The following GUCY2C variants were observed in gnomAD, a reference collection of about 807,000 sequenced individuals.
The protein encoded by GUCY2C is guanylate cyclase 2C, also known as guanylyl cyclase C.
In GUCY2C, 118 loss-of-function variants were observed where a neutral mutation model predicts 131.1. The ratio of observed to expected loss-of-function variants is 0.90; its 90% CI spans 0.78 to 1.05. The LOEUF is 1.05. Among genes scored for constraint, GUCY2C ranks in the 50% least tolerant of loss-of-function variants. GUCY2C has a pLI of 0.00. For synonymous variants in GUCY2C, 452 were observed against 457.8 expected (o/e 0.99, Z 0.16); for missense variants, 1,161 against 1,304.4 (o/e 0.89, Z 1.69).
At chr12:14,677,483 A>G (rs1460791359) in intron 6 of GUCY2C, among the ~76,000 whole-genome samples, 3 of 152,194 alleles carry the variant, frequency 2.0e-5, no homozygotes, top group Admixed American at 6.5e-5. Context: ...CTCCTAGACA[A>G]TGCCTGGCAC....
chr12:14,619,942 T>C lies in GUCY2C; in HGVS notation c.2777-633A>G, dbSNP rs543532484. Reference sequence around the variant, plus strand: ...GTAGGAAATAAGGGTTATTCAGTCATGTATTTGCATAGAATGACTGAGTGC... The same window carrying C: ...GTAGGAAATAAGGGTTATTCAGTCACGTATTTGCATAGAATGACTGAGTGC... On this transcript the variant is annotated intron_variant, in intron 23 of 26. Coordinates refer to ENST00000261170, the MANE Select transcript of GUCY2C (RefSeq NM_004963.4). Among the ~76,000 whole-genome samples the C allele has an allele frequency of 9.2e-5, 14 of 152,340 alleles. 1 individual carries two copies. The South Asian group carries it at 2.9e-3, about 32-fold the overall frequency.
rs780328862 is a variant in GUCY2C at position 14,651,493 on chromosome 12, A to G, written c.1624T>C (p.Tyr542His). Reference protein sequence around the residue: ...ELNKLLQIDYYNLTKFYGTVK... With the variant: ...ELNKLLQIDYHNLTKFYGTVK... ...GTGCCGTAGAACTTGGTCAGGTTGT[A>G]ATAGTCAATCTGAAGCAACTAGAAG... The change falls in exon 15 of 27, where the codon TAC (tyrosine) becomes CAC (histidine). Residue 542 changes from tyrosine (Y) to histidine (H), a missense_variant. Physicochemically the swap from Tyr to His is moderately conservative, Grantham distance 83. Transcript: ENST00000261170. 1.3e-6 allele frequency: 2 copies of G among 1,596,878 alleles called. No individual in the cohort carries two copies. The highest frequency in any genetic ancestry group is 2.2e-5 in the South Asian group (2 of 90,668).
intron 9 of GUCY2C, 114 bp from the exon 10 acceptor site, chr12:14,669,947 G>T: frequency 1.9e-6 from 1 of 533,910 alleles, no homozygotes; most frequent in Non-Finnish European, 3.3e-6. Context: ...AATTCTCAGT[G>T]AAAAAAGGCA....
chr12:14,637,488 C>G (rs1225461016), intron 19 of GUCY2C, among the ~76,000 whole-genome samples: 1 of 152,036 alleles, frequency 6.6e-6, no homozygotes. Context: ...AAAGCAATCC[C>G]AAGCAAAAAG....
In GUCY2C at chr12:14,622,047, A is replaced by T; in HGVS notation, c.2559T>A (p.Tyr853Ter). 1 of 1,609,934 alleles carries T rather than the reference A, an allele frequency of 6.2e-7. No homozygotes were observed. Among genetic ancestry groups the T allele is most frequent in the Non-Finnish European group, 8.5e-7 (1 of 1,178,594 alleles). The change falls in exon 22 of 27, where the codon TAT (tyrosine) becomes TAA (stop). Residue 853 changes from tyrosine (Y) to a stop codon, truncating the protein, a stop_gained. Coordinates refer to ENST00000261170, the MANE Select transcript of GUCY2C (RefSeq NM_004963.4). LOFTEE classifies it high-confidence loss of function. ...MEVVDMLNDI[Y>*]KSFDHIVDHH... is the part of the protein sequence containing the mutation. ...GATCAACAATGTGGTCAAAACTCTT[A>T]TAGATGTCATTAAGCATGTCCACCA...
At chr12:14,652,678 C>T (rs1296945680) in intron 13 of GUCY2C, among the ~76,000 whole-genome samples, 2 of 152,172 alleles carry the variant, frequency 1.3e-5, no homozygotes, top group South Asian at 2.1e-4. Flanking sequence ...TAGGGTTGCC[C>T]TGGACTACTC....
Position 14,642,915 on chromosome 12 carries a change from T to C in GUCY2C, c.1930+659A>G, listed in dbSNP as rs192199516. Among the ~76,000 whole-genome samples, 24 of 152,246 alleles carry C rather than the reference T, an allele frequency of 1.6e-4. No individual in the cohort carries two copies. In the East Asian group the frequency reaches 4.6e-3, roughly 29 times the overall value. On this transcript the variant is annotated intron_variant, in intron 17 of 26. Coordinates refer to ENST00000261170, the MANE Select transcript of GUCY2C (RefSeq NM_004963.4). ...AAGTTGAATTAGAAATATAATTTGGTGTTTGGATCTAGGTAGTATTTTAAG... is the reference window on the plus strand; with the variant it reads ...AAGTTGAATTAGAAATATAATTTGGCGTTTGGATCTAGGTAGTATTTTAAG...
At position 14,625,637 on chromosome 12, in the gene GUCY2C, G is replaced by A. The variant is rs377146010; in HGVS notation, c.2408+120C>T. 136 of 1,022,546 alleles carry A rather than the reference G, an allele frequency of 1.3e-4. No homozygotes were observed. In the African/African-American group the frequency reaches 1.5e-3, roughly 11 times the overall value. 63.3% of individuals were successfully genotyped at this position (1,022,546 alleles called of 1,614,324 possible). On this transcript the variant is annotated intron_variant, in intron 21 of 26. Transcript: ENST00000261170. Reference sequence around the variant, plus strand: ...CGTGAGCCTCCGTGCCTGGCAGTACGTGCATTTTAAAACCAATAATCTACT... The same window carrying A: ...CGTGAGCCTCCGTGCCTGGCAGTACATGCATTTTAAAACCAATAATCTACT...
intron 9 of GUCY2C, chr12:14,672,136 C>T (rs1251608742): frequency 6.6e-6 from 1 of 151,956 alleles, no homozygotes; most frequent in Non-Finnish European, 1.5e-5. Context: ...CCTATATAAA[C>T]CTTTTTACTG....
In GUCY2C at chr12:14,679,733, GACC is replaced by G; in HGVS notation, c.751_753del (p.Gly251del). ...CCCTTCAGCTTGTAGAGGAACTCTG[GACC>G]ACCACACATAATAATCACTGGAGGA... On this transcript the variant is annotated inframe_deletion, in exon 6 of 27. Coordinates refer to ENST00000261170, the MANE Select transcript of GUCY2C (RefSeq NM_004963.4). 1 of 1,580,240 alleles carries G rather than the reference GACC, an allele frequency of 6.3e-7. No individual in the cohort carries two copies. Among genetic ancestry groups the G allele is most frequent in the Non-Finnish European group, 8.7e-7 (1 of 1,149,314 alleles).
At chr12:14,652,163 A>ATATTTACT (rs1555161882) in intron 13 of GUCY2C, 133 bp from the exon 14 acceptor site, 4 of 205,964 alleles carry the variant, frequency 1.9e-5, no homozygotes, top group African/African-American at 9.2e-5. Context: ...TTGATTTTTT[A>ATATTTACT]TATTTATTTA....
chr12:14,655,521 G>A (rs1947747621), intron 12 of GUCY2C, among the ~76,000 whole-genome samples: 1 of 152,174 alleles, frequency 6.6e-6, no homozygotes, highest in African/African-American at 2.4e-5. Context: ...AGGGTCAAGA[G>A]CTGGTAGAGA....
At chr12:14,628,069 G>A (rs1166830564) in intron 20 of GUCY2C, among the ~76,000 whole-genome samples, 1 of 152,156 alleles carries the variant, frequency 6.6e-6, no homozygotes, top group Non-Finnish European at 1.5e-5. Context: ...TCAGATCTTA[G>A]TCTAGAAATT....
chr12:14,695,600 CAAAAAAAAAA>C (rs557450619), intron 1 of GUCY2C, among the ~76,000 whole-genome samples: 1 of 58,626 alleles, frequency 1.7e-5, no homozygotes, highest in South Asian at 6.9e-4. Context: ...GACTCCATCT[CAAAAAAAAAA>C]AAAAAAAAAA....
chr12:14,693,145 C>T (rs574026632), intron 1 of GUCY2C, among the ~76,000 whole-genome samples: 15 of 152,272 alleles, frequency 9.9e-5, no homozygotes, highest in Admixed American at 7.2e-4. Flanking sequence ...ACTCTCTACC[C>T]CACAATGATA....
intron 10 of GUCY2C, among the ~76,000 whole-genome samples, chr12:14,661,933 A>G (rs1947875626): frequency 6.6e-6 from 1 of 152,188 alleles, no homozygotes; most frequent in Non-Finnish European, 1.5e-5. Context: ...AAAGACTCTC[A>G]GAAGAGTAAG....
At chr12:14,614,111 G>A (rs1186521592) in intron 26 of GUCY2C, among the ~76,000 whole-genome samples, 1 of 152,088 alleles carries the variant, frequency 6.6e-6, no homozygotes, top group Non-Finnish European at 1.5e-5. Context: ...CCCCCAGTAT[G>A]CTCCACTCTT....
At chr12:14,657,400 GA>G (rs1367412887) in intron 11 of GUCY2C, among the ~76,000 whole-genome samples, 1 of 152,114 alleles carries the variant, frequency 6.6e-6, no homozygotes, top group African/African-American at 2.4e-5. Context: ...AAAGTACAGA[GA>G]AAATGTAACA....
chr12:14,628,856 C>A, intron 19 of GUCY2C, 119 bp from the exon 20 acceptor site: 1 of 670,240 alleles, frequency 1.5e-6, no homozygotes, highest in Non-Finnish European at 2.7e-6. Flanking sequence ...ATATCTTCAA[C>A]TCAGTGCGGA....
Sources: gnomAD v4.1 joint callset for allele counts (sites outside exome capture counted in the v4.1 genomes callset) on GRCh38, gnomAD v4.1.1 for gene constraint, MANE v1.5 for transcripts, NCBI Gene and HGNC (gene_info 2026-07-23, HGNC 2026-07-21) for gene names.